Variants in NKAIN3 observed in about 807,000 individuals in gnomAD.
The protein encoded by NKAIN3 is sodium/potassium-transporting ATPase subunit beta-1-interacting protein 3.
In NKAIN3, 25 loss-of-function variants were observed where a neutral mutation model predicts 30.2. The ratio of observed to expected loss-of-function variants is 0.83; its 90% CI spans 0.60 to 1.16. The LOEUF (loss-of-function observed/expected upper bound fraction) is 1.16. Ranked by LOEUF, NKAIN3 falls within the 50% of genes most tolerant of loss-of-function variation. The pLI, the probability that NKAIN3 is intolerant of heterozygous loss-of-function variation, is 0.00. For missense variants in NKAIN3, 225 were observed against 254.1 expected (o/e 0.89, Z 0.78); for synonymous variants, 91 against 89.6 (o/e 1.02, Z -0.09).
chr8:62,372,273 A>C (rs1816936092), intron 1 of NKAIN3, among the ~76,000 whole-genome samples: 1 of 151,932 alleles, frequency 6.6e-6, no homozygotes, highest in Non-Finnish European at 1.5e-5. Context: ...TTTAGTGTTT[A>C]GGTAGATACT....
At chr8:62,481,730 C>T (rs1477330270) in intron 1 of NKAIN3, among the ~76,000 whole-genome samples, 1 of 152,186 alleles carries the variant, frequency 6.6e-6, no homozygotes, top group Non-Finnish European at 1.5e-5. Context: ...CTTGGCAGAA[C>T]ACAAGACAAG....
chr8:62,846,720 T>C (rs58210668), intron 4 of NKAIN3, among the ~76,000 whole-genome samples: 16,787 of 152,102 alleles, frequency 0.11, 981 homozygotes, highest in African/African-American at 0.15. Flanking sequence ...CTTCCTTATT[T>C]AGTCTATCCT....
At chr8:62,963,004 G>A (rs1258170838) in intron 6 of NKAIN3, among the ~76,000 whole-genome samples, 1 of 151,950 alleles carries the variant, frequency 6.6e-6, no homozygotes, top group African/African-American at 2.4e-5. Flanking sequence ...GGATTCTCCT[G>A]CCTCAGCCTC....
chr8:62,580,906 T>TA (rs71974501), intron 2 of NKAIN3, among the ~76,000 whole-genome samples: 8,416 of 112,244 alleles, frequency 0.075, 327 homozygotes, highest in Middle Eastern at 0.17. Context: ...GCTAGGGTTT[T>TA]TATATATATA....
At chr8:62,510,506 G>A (rs184792985) in intron 1 of NKAIN3, among the ~76,000 whole-genome samples, 9 of 152,216 alleles carry the variant, frequency 5.9e-5, no homozygotes, top group Non-Finnish European at 1.2e-4. Flanking sequence ...TAGGTCAATC[G>A]CTGGGAAGGT....
intron 1 of NKAIN3, among the ~76,000 whole-genome samples, chr8:62,466,353 C>T (rs374743295): frequency 2.6e-5 from 4 of 152,184 alleles, no homozygotes; most frequent in African/African-American, 4.8e-5. Flanking sequence ...ATGTGATTTA[C>T]GTTTCCTTAA....
chr8:62,590,825 A>G (rs79828337), intron 3 of NKAIN3, among the ~76,000 whole-genome samples: 6,715 of 151,856 alleles, frequency 0.044, 198 homozygotes, highest in Non-Finnish European at 0.069. Context: ...CTCCACTATA[A>G]TAACTGTAAT....
rs113879225 is a variant in NKAIN3 at position 62,686,129 on chromosome 8, G to A, written c.274-60803G>A. 2.6e-5 allele frequency among the ~76,000 whole-genome samples: 4 copies of A among 152,116 alleles called. No individual in the cohort carries two copies. The East Asian group carries it at 7.7e-4, about 29-fold the overall frequency. On this transcript the variant is annotated intron_variant, in intron 3 of 6. Coordinates refer to ENST00000623646, the MANE Select transcript of NKAIN3 (RefSeq NM_001304533.3). ...ACTCTCCAAGGCCACGTTCTCCCCA[G>A]TCTGCTCCTAGCAAATCACTGATCA...
At chr8:62,474,141 A>G (rs1806439369) in intron 1 of NKAIN3, 1 of 152,164 alleles carries the variant, frequency 6.6e-6, no homozygotes. Flanking sequence ...TTCAATTAGG[A>G]TACAGAAAGG....
intron 4 of NKAIN3, among the ~76,000 whole-genome samples, chr8:62,884,650 A>G (rs936618013): frequency 4.0e-5 from 6 of 150,366 alleles, no homozygotes; most frequent in African/African-American, 1.5e-4. Flanking sequence ...AAGATTAATT[A>G]TAGATTCCGT....
intron 3 of NKAIN3, among the ~76,000 whole-genome samples, chr8:62,724,393 T>C (rs557190385): frequency 6.6e-6 from 1 of 152,166 alleles, no homozygotes; most frequent in East Asian, 1.9e-4. Context: ...TATCATCCAA[T>C]TATTCTGTAT....
chr8:62,660,533 A>T (rs1812913555), intron 3 of NKAIN3, among the ~76,000 whole-genome samples: 1 of 152,108 alleles, frequency 6.6e-6, no homozygotes, highest in Non-Finnish European at 1.5e-5. Context: ...ACTTCATTGT[A>T]TAAGAAGTTC....
intron 3 of NKAIN3, among the ~76,000 whole-genome samples, chr8:62,675,615 G>A (rs1310176647): frequency 1.3e-5 from 2 of 152,150 alleles, no homozygotes; most frequent in African/African-American, 4.8e-5. Context: ...ATTCCAGTGT[G>A]GGCTGGGAAG....
At chr8:62,749,527 C>A (rs886782981) in intron 4 of NKAIN3, among the ~76,000 whole-genome samples, 3 of 152,038 alleles carry the variant, frequency 2.0e-5, no homozygotes, top group African/African-American at 7.2e-5. Context: ...AATATTTTAT[C>A]TTTTTATATT....
At chr8:62,930,191 C>A (rs928456572) in intron 5 of NKAIN3, among the ~76,000 whole-genome samples, 2 of 152,080 alleles carry the variant, frequency 1.3e-5, no homozygotes, top group Non-Finnish European at 2.9e-5. Context: ...ATCTCTGTAC[C>A]CATTCAACAA....
chr8:62,512,581 C>A (rs987232172), intron 1 of NKAIN3, among the ~76,000 whole-genome samples: 2 of 152,132 alleles, frequency 1.3e-5, no homozygotes, highest in Non-Finnish European at 2.9e-5. Context: ...CTCTCTTAAT[C>A]TCAAATTCCA....
At chr8:62,895,107 A>G (rs994588446) in intron 4 of NKAIN3, among the ~76,000 whole-genome samples, 4 of 152,214 alleles carry the variant, frequency 2.6e-5, no homozygotes, top group Admixed American at 2.0e-4. Context: ...AGAATAAAGG[A>G]AGAAGGGATA....
chr8:62,864,994 T>TA (rs1462587868), intron 4 of NKAIN3, among the ~76,000 whole-genome samples: 2 of 152,174 alleles, frequency 1.3e-5, no homozygotes, highest in African/African-American at 4.8e-5. Context: ...TGGGGAAGAC[T>TA]ATTCCAGAGA....
At chr8:62,597,132 T>C (rs1178340629) in intron 3 of NKAIN3, among the ~76,000 whole-genome samples, 1 of 152,124 alleles carries the variant, frequency 6.6e-6, no homozygotes, top group African/African-American at 2.4e-5. Flanking sequence ...TACTCAGGTA[T>C]GCCACGGGTT....
Sources: gnomAD v4.1 joint callset for allele counts (sites outside exome capture counted in the v4.1 genomes callset) on GRCh38, gnomAD v4.1.1 for gene constraint, MANE v1.5 for transcripts, NCBI Gene and HGNC (gene_info 2026-07-23, HGNC 2026-07-21) for gene names.